Variants in MDGA2 observed in about 807,000 individuals in gnomAD.
MDGA2 encodes MAM domain-containing glycosylphosphatidylinositol anchor protein 2.
In MDGA2, 40 loss-of-function variants were observed where a neutral mutation model predicts 117.8. That is an observed-to-expected ratio of 0.34 (90% confidence interval 0.26 to 0.44). The LOEUF is 0.44. MDGA2 is among the 20% of genes least tolerant of loss of function. The probability of loss-of-function intolerance (pLI) is 1.00; values close to 1 mark genes in which losing one functional copy is unlikely to be tolerated. For missense variants in MDGA2, 1,123 were observed against 1,250.6 expected (o/e 0.90, Z 1.54); for synonymous variants, 452 against 439.0 (o/e 1.03, Z -0.37).
chr14:47,600,894 A>C (rs2138878749), intron 1 of MDGA2, among the ~76,000 whole-genome samples: 1 of 152,304 alleles, frequency 6.6e-6, no homozygotes, highest in Non-Finnish European at 1.5e-5. Context: ...AACTTTAACA[A>C]GAATTTTAAA....
At position 47,104,770 on chromosome 14, in the gene MDGA2, G is replaced by A. The variant is rs548148058; in HGVS notation, c.926-7647C>T. Among the ~76,000 whole-genome samples the A allele has an allele frequency of 3.3e-5, 5 of 152,164 alleles. No individual in the cohort carries two copies. The South Asian group carries it at 8.3e-4, about 25-fold the overall frequency. On this transcript the variant is annotated intron_variant, in intron 5 of 16. Transcript: ENST00000399232. ...TGCTCCGTGAGAAAGATCCACCTAC[G>A]ACCTCAGGTCCTCAGACCGACCAGC...
chr14:46,929,617 A>T (rs1387000985), intron 9 of MDGA2, among the ~76,000 whole-genome samples: 3 of 20,082 alleles, frequency 1.5e-4, no homozygotes, highest in African/African-American at 3.5e-4. Flanking sequence ...ATATATATAT[A>T]TATATATATA....
At chr14:46,909,055 G>A (rs149438309) in intron 10 of MDGA2, among the ~76,000 whole-genome samples, 5 of 152,180 alleles carry the variant, frequency 3.3e-5, no homozygotes, top group Non-Finnish European at 2.9e-5. Flanking sequence ...CTTTCTAACC[G>A]TTAATTTTTT....
intron 3 of MDGA2, among the ~76,000 whole-genome samples, chr14:47,144,962 AT>A (rs1692337364): frequency 6.6e-6 from 1 of 151,650 alleles, no homozygotes; most frequent in African/African-American, 2.4e-5. Flanking sequence ...TTGTCTTAAT[AT>A]ACTTCTTTTT....
intron 6 of MDGA2, among the ~76,000 whole-genome samples, chr14:47,081,723 T>C (rs1231956899): frequency 1.3e-5 from 2 of 152,154 alleles, no homozygotes; most frequent in Non-Finnish European, 2.9e-5. Context: ...TCCATTACCA[T>C]ATTATTTTTA....
At position 47,013,780 on chromosome 14, in the gene MDGA2, A is replaced by ATATATG. The variant is rs1348934325; in HGVS notation, c.1819+21230_1819+21231insCATATA. 8.6e-5 allele frequency among the ~76,000 whole-genome samples: 11 copies of ATATATG among 128,366 alleles called. 1 individual carries two copies. The highest frequency in any genetic ancestry group is 2.9e-4 in the African/African-American group (11 of 37,350). 84.2% of individuals were successfully genotyped at this position (128,366 alleles called of 152,430 possible). ...AAAACATTAATTTCCTTGTATATAT[A>ATATATG]TATATATATATATCTCCTTTTTTTT... On this transcript the variant is annotated intron_variant, in intron 8 of 16. Coordinates refer to ENST00000399232, the MANE Select transcript of MDGA2 (RefSeq NM_001113498.3).
chr14:46,944,225 T>C lies in MDGA2; in HGVS notation c.2089+13149A>G, dbSNP rs550507122. On this transcript the variant is annotated intron_variant, in intron 9 of 16. Transcript: ENST00000399232. ...ATTTATTTGACTCTAATTTTTAAAG[T>C]ATATTTTCACTAGACATAAAATATA... 1.8e-4 allele frequency among the ~76,000 whole-genome samples: 27 copies of C among 152,162 alleles called. No individual in the cohort carries two copies. In the South Asian group the frequency reaches 5.4e-3, roughly 30 times the overall value.
intron 11 of MDGA2, among the ~76,000 whole-genome samples, chr14:46,880,695 G>A (rs998285549): frequency 3.3e-5 from 5 of 150,320 alleles, no homozygotes; most frequent in Admixed American, 6.6e-5. Flanking sequence ...CCAGCTACTC[G>A]GGAGGCTGAA....
At chr14:47,024,606 A>G (rs555008126) in intron 8 of MDGA2, among the ~76,000 whole-genome samples, 42 of 152,338 alleles carry the variant, frequency 2.8e-4, no homozygotes, top group African/African-American at 9.1e-4. Flanking sequence ...CTTTTTCTAG[A>G]AAAACATTTT....
chr14:47,472,765 G>A (rs1893755268), intron 1 of MDGA2, among the ~76,000 whole-genome samples: 1 of 152,064 alleles, frequency 6.6e-6, no homozygotes, highest in Admixed American at 6.6e-5. Context: ...TTTACCAGCT[G>A]GATAACTTTA....
chr14:47,173,646 G>A (rs1204122954), intron 3 of MDGA2, among the ~76,000 whole-genome samples: 1 of 152,120 alleles, frequency 6.6e-6, no homozygotes. Context: ...GCTCCTGAAG[G>A]AAGCACTAAA....
chr14:46,966,770 G>A (rs1022042450), intron 8 of MDGA2, among the ~76,000 whole-genome samples: 1 of 141,960 alleles, frequency 7.0e-6, no homozygotes, highest in Non-Finnish European at 1.6e-5. Flanking sequence ...TTTTCTTTTT[G>A]TATCTACTGG....
At chr14:46,906,701 G>A (rs1224397868) in intron 10 of MDGA2, among the ~76,000 whole-genome samples, 1 of 151,932 alleles carries the variant, frequency 6.6e-6, no homozygotes, top group Non-Finnish European at 1.5e-5. Flanking sequence ...CTCTAGGAAG[G>A]GAGATAATTT....
chr14:47,195,985 G>T (rs537153221), intron 3 of MDGA2, among the ~76,000 whole-genome samples: 1 of 151,864 alleles, frequency 6.6e-6, no homozygotes, highest in African/African-American at 2.4e-5. Flanking sequence ...ACTTAGTCCA[G>T]GCATTTAGTC....
intron 1 of MDGA2, among the ~76,000 whole-genome samples, chr14:47,327,615 T>C (rs1353752479): frequency 6.6e-6 from 1 of 152,184 alleles, no homozygotes; most frequent in African/African-American, 2.4e-5. Flanking sequence ...TCCTGGCTCT[T>C]AGAATTGCTT....
chr14:46,908,437 TTAAG>T (rs1228434029), intron 10 of MDGA2, among the ~76,000 whole-genome samples: 1 of 152,124 alleles, frequency 6.6e-6, no homozygotes, highest in East Asian at 1.9e-4. Flanking sequence ...AAATAATTAT[TTAAG>T]TAAGCATGAA....
intron 1 of MDGA2, among the ~76,000 whole-genome samples, chr14:47,567,176 T>C (rs1442460853): frequency 6.6e-6 from 1 of 152,058 alleles, no homozygotes; most frequent in Non-Finnish European, 1.5e-5. Context: ...GCTGGGACTA[T>C]AGGCCTGAGT....
At chr14:47,621,449 T>G (rs1214066046) in intron 1 of MDGA2, among the ~76,000 whole-genome samples, 1 of 152,128 alleles carries the variant, frequency 6.6e-6, no homozygotes, top group Non-Finnish European at 1.5e-5. Flanking sequence ...GCCAGCCTCC[T>G]GAGTAGCTAG....
intron 1 of MDGA2, among the ~76,000 whole-genome samples, chr14:47,454,754 C>A (rs1893313919): frequency 1.3e-5 from 2 of 152,098 alleles, no homozygotes; most frequent in Non-Finnish European, 2.9e-5. Flanking sequence ...TTGAATGATT[C>A]CCTCAAGTAA....
Sources: gnomAD v4.1 joint callset for allele counts (sites outside exome capture counted in the v4.1 genomes callset) on GRCh38, gnomAD v4.1.1 for gene constraint, MANE v1.5 for transcripts, NCBI Gene and HGNC (gene_info 2026-07-23, HGNC 2026-07-21) for gene names.